SPAG16: variants seen among roughly 807,000 people sequenced by gnomAD.
The protein encoded by SPAG16 is sperm associated antigen 16, also known as sperm-associated antigen 16 protein.
In SPAG16, 86 loss-of-function variants were observed where a neutral mutation model predicts 80.4. The observed-to-expected ratio is 1.07, with a 90% CI of 0.90 to 1.28. The LOEUF is 1.28. SPAG16 is among the 50% of genes most tolerant of loss of function. SPAG16 has a pLI of 0.00. For missense variants in SPAG16, 870 were observed against 765.3 expected, an observed-to-expected ratio of 1.14 and a Z score of -1.61; for synonymous variants, 294 against 265.9, an observed-to-expected ratio of 1.11 and a Z score of -1.03.
chr2:213,344,180 CA>C (rs2064839856), intron 6 of SPAG16, among the ~76,000 whole-genome samples: 1 of 151,974 alleles, frequency 6.6e-6, no homozygotes, highest in Non-Finnish European at 1.5e-5. Context: ...AGTACATAGT[CA>C]CTCAATTAAA....
At chr2:213,904,471 C>A (rs2077350958) in intron 11 of SPAG16, among the ~76,000 whole-genome samples, 1 of 151,952 alleles carries the variant, frequency 6.6e-6, no homozygotes, top group African/African-American at 2.4e-5. Flanking sequence ...GGGAAACCAT[C>A]CCCATGATGC....
intron 11 of SPAG16, among the ~76,000 whole-genome samples, chr2:213,864,497 T>C (rs1330366749): frequency 6.6e-6 from 1 of 152,102 alleles, no homozygotes; most frequent in East Asian, 1.9e-4. Flanking sequence ...AGCTCTGGGC[T>C]CTGGTTGATT....
chr2:213,340,029 C>T (rs184513933), intron 5 of SPAG16, 134 bp from the exon 6 acceptor site: 15 of 626,162 alleles, frequency 2.4e-5, no homozygotes, highest in South Asian at 6.5e-5. Context: ...TGAGAATCTT[C>T]GATGAGAATT....
Position 213,551,960 on chromosome 2 carries a change from G to A in SPAG16, c.1070+61870G>A, listed in dbSNP as rs376613929. On this transcript the variant is annotated intron_variant, in intron 10 of 15. Transcript: ENST00000331683. ...ATCTTTATAGGCTTGGGAATTCTAT[G>A]CCATATTTTGCACTTGTCTAAATCT... Among the ~76,000 whole-genome samples, 49 of 152,134 alleles carry A rather than the reference G, an allele frequency of 3.2e-4. No homozygotes were observed. In the East Asian group the frequency reaches 8.7e-3, roughly 27 times the overall value.
intron 8 of SPAG16, among the ~76,000 whole-genome samples, chr2:213,368,331 A>T (rs989755398): frequency 6.6e-6 from 1 of 152,158 alleles, no homozygotes; most frequent in Admixed American, 6.6e-5. Flanking sequence ...GAAGAATGTC[A>T]TTGGTAGCTT....
chr2:214,180,968 T>C (rs2057292403), intron 15 of SPAG16, among the ~76,000 whole-genome samples: 3 of 151,772 alleles, frequency 2.0e-5, no homozygotes, highest in African/African-American at 7.2e-5. Flanking sequence ...CAGTTAAAGT[T>C]GCCCCCGATT....
At chr2:214,386,430 T>G (rs1700756106) in intron 15 of SPAG16, among the ~76,000 whole-genome samples, 1 of 151,822 alleles carries the variant, frequency 6.6e-6, no homozygotes, top group Non-Finnish European at 1.5e-5. Context: ...AAGACAAAAT[T>G]TATGAACATT....
chr2:213,550,371 G>A (rs1487756402), intron 10 of SPAG16, among the ~76,000 whole-genome samples: 11 of 151,658 alleles, frequency 7.3e-5, no homozygotes, highest in African/African-American at 1.7e-4. Flanking sequence ...CAAATTATGC[G>A]CTTTTAATGT....
At chr2:213,991,663 G>C (rs1216864401) in intron 12 of SPAG16, among the ~76,000 whole-genome samples, 1 of 152,012 alleles carries the variant, frequency 6.6e-6, no homozygotes, top group Non-Finnish European at 1.5e-5. Context: ...TACCTACTTA[G>C]AGCCAGTCTG....
At chr2:213,806,796 A>G (rs2071796241) in intron 10 of SPAG16, among the ~76,000 whole-genome samples, 1 of 152,196 alleles carries the variant, frequency 6.6e-6, no homozygotes, top group Non-Finnish European at 1.5e-5. Context: ...AATCACATGT[A>G]CCTAATACAA....
At chr2:214,408,881 C>A (rs7557589) in intron 15 of SPAG16, among the ~76,000 whole-genome samples, 18,030 of 151,964 alleles carry the variant, frequency 0.12, 1,431 homozygotes, top group Non-Finnish European at 0.16. Context: ...TATTTCTTCA[C>A]CTACATAGAG....
chr2:213,747,229 A>C (rs891867423), intron 10 of SPAG16, among the ~76,000 whole-genome samples: 1 of 152,252 alleles, frequency 6.6e-6, no homozygotes, highest in African/African-American at 2.4e-5. Context: ...AAATCTATAA[A>C]GAAAATATTC....
chr2:214,003,937 A>G (rs959504040), intron 12 of SPAG16, among the ~76,000 whole-genome samples: 1 of 152,184 alleles, frequency 6.6e-6, no homozygotes, highest in African/African-American at 2.4e-5. Flanking sequence ...ACCAACAAAA[A>G]ATCACAGAAG....
intron 9 of SPAG16, among the ~76,000 whole-genome samples, chr2:213,424,008 A>G (rs2069756214): frequency 6.6e-6 from 1 of 152,204 alleles, no homozygotes; most frequent in Non-Finnish European, 1.5e-5. Context: ...ACTTTATGAT[A>G]TGATGCAGGA....
intron 12 of SPAG16, among the ~76,000 whole-genome samples, chr2:213,970,288 CTT>C (rs55972413): frequency 0.33 from 48,751 of 145,610 alleles, 8,455 homozygotes; most frequent in South Asian, 0.47. Flanking sequence ...AAAAGTTTTG[CTT>C]TTTTTTTTTT....
chr2:214,367,628 T>A (rs756707411), intron 15 of SPAG16, among the ~76,000 whole-genome samples: 2 of 152,186 alleles, frequency 1.3e-5, no homozygotes, highest in Non-Finnish European at 2.9e-5. Context: ...GAAACATAGA[T>A]AGACTACATA....
At chr2:213,306,132 C>T (rs1286705275) in intron 3 of SPAG16, among the ~76,000 whole-genome samples, 1 of 151,832 alleles carries the variant, frequency 6.6e-6, no homozygotes, top group African/African-American at 2.4e-5. Flanking sequence ...CACGTAGTTG[C>T]TCATTGTAGC....
At chr2:214,379,132 T>G (rs1045624745) in intron 15 of SPAG16, among the ~76,000 whole-genome samples, 1 of 152,228 alleles carries the variant, frequency 6.6e-6, no homozygotes, top group African/African-American at 2.4e-5. Context: ...CTGCTAACTC[T>G]TCATACATTT....
At chr2:214,124,964 A>C (rs1335189136) in intron 14 of SPAG16, among the ~76,000 whole-genome samples, 1 of 151,844 alleles carries the variant, frequency 6.6e-6, no homozygotes, top group African/African-American at 2.4e-5. Context: ...AAAGGAATTT[A>C]ATCTGCTACC....
Sources: allele counts gnomAD v4.1 joint callset (sites outside exome capture counted in the v4.1 genomes callset), GRCh38; gene constraint gnomAD v4.1.1; transcripts MANE v1.5; gene names NCBI Gene and HGNC (gene_info 2026-07-23, HGNC 2026-07-21).